ZBTB20: variants seen among roughly 807,000 people sequenced by gnomAD.
ZBTB20 encodes zinc finger and BTB domain containing 20.
ZBTB20 carries 9 observed loss-of-function variants against 56.9 expected under a neutral mutation model. The ratio of observed to expected loss-of-function variants is 0.16; its 90% CI spans 0.10 to 0.28. The LOEUF (loss-of-function observed/expected upper bound fraction) is 0.28. ZBTB20 is among the 10% of genes least tolerant of loss of function. ZBTB20 has a pLI of 1.00. For missense variants in ZBTB20, 655 were observed against 1,003.0 expected, an observed-to-expected ratio of 0.65 and a Z score of 4.69; for synonymous variants, 417 against 420.7, an observed-to-expected ratio of 0.99 and a Z score of 0.11.
chr3:114,879,687 T>G (rs2076324549), intron 4 of ZBTB20, among the ~76,000 whole-genome samples: 1 of 152,188 alleles, frequency 6.6e-6, no homozygotes, highest in Admixed American at 6.5e-5. Context: ...TATACGGATT[T>G]GAGGCAGTAC....
intron 4 of ZBTB20, among the ~76,000 whole-genome samples, chr3:114,821,027 T>C (rs994821799): frequency 5.3e-5 from 8 of 152,058 alleles, no homozygotes; most frequent in Non-Finnish European, 1.2e-4. Context: ...TAGTGAACAG[T>C]GTATTTGCGT....
chr3:114,384,249 A>G (rs888705862), intron 8 of ZBTB20, among the ~76,000 whole-genome samples: 3 of 152,034 alleles, frequency 2.0e-5, no homozygotes, highest in African/African-American at 2.4e-5. Flanking sequence ...GAAAGCTCCA[A>G]TGAAAAAGTT....
intron 4 of ZBTB20, among the ~76,000 whole-genome samples, chr3:114,894,280 C>T (rs1191823352): frequency 6.6e-6 from 1 of 152,064 alleles, no homozygotes; most frequent in Admixed American, 6.6e-5. Context: ...GATCATAAAA[C>T]ATATATGCAT....
chr3:114,484,820 C>CGTGT (rs71297434), intron 7 of ZBTB20, among the ~76,000 whole-genome samples: 1 of 151,120 alleles, frequency 6.6e-6, no homozygotes, highest in African/African-American at 2.4e-5. Flanking sequence ...TGTGTGTGTG[C>CGTGT]GCGTGCATGT....
At chr3:114,666,794 G>C (rs559823962) in intron 6 of ZBTB20, among the ~76,000 whole-genome samples, 2 of 152,072 alleles carry the variant, frequency 1.3e-5, no homozygotes, top group African/African-American at 2.4e-5. Flanking sequence ...CTGTCCATGA[G>C]GTTCCCTTTA....
At position 114,350,768 on chromosome 3, in the gene ZBTB20, T is replaced by A. The variant is rs2080595652; in HGVS notation, c.1310A>T (p.Asn437Ile). Residue 437 changes from asparagine to isoleucine, a missense_variant, in exon 11 of 12, where the codon AAT becomes ATT. By Grantham distance (149) the Asn-to-Ile change is moderately radical. Transcript: ENST00000675478. The stretch of plus-strand genomic sequence containing the variant: ...AACAGTGCTGTCCATCTCCACTTCA[T>A]TGCTTCTCTCCGGAGAGGAAGCACC... ...ETGASSPERS[N>I]EVEMDSTVIT... is the part of the protein sequence containing the mutation. The A allele has an allele frequency of 6.2e-7, 1 of 1,614,112 alleles. No individual in the cohort carries two copies. Among genetic ancestry groups the A allele is most frequent in the African/African-American group, 1.3e-5 (1 of 75,060 alleles).
intron 11 of ZBTB20, among the ~76,000 whole-genome samples, chr3:114,342,554 T>C (rs2079865362): frequency 6.6e-6 from 1 of 152,232 alleles, no homozygotes; most frequent in Non-Finnish European, 1.5e-5. Context: ...CTTGGGCATG[T>C]CATTTAACCT....
intron 1 of ZBTB20, among the ~76,000 whole-genome samples, chr3:115,102,382 T>C (rs574123266): frequency 2.8e-4 from 42 of 152,242 alleles, no homozygotes; most frequent in African/African-American, 1.0e-3. Context: ...TTTTCTACTA[T>C]TGCCCTATTG....
chr3:114,586,377 G>A (rs1266079221), intron 6 of ZBTB20, among the ~76,000 whole-genome samples: 1 of 152,120 alleles, frequency 6.6e-6, no homozygotes, highest in Non-Finnish European at 1.5e-5. Flanking sequence ...GAAATACCTT[G>A]CCCTTTTGCT....
chr3:115,119,651 T>C (rs1380690280), intron 1 of ZBTB20, among the ~76,000 whole-genome samples: 1 of 152,136 alleles, frequency 6.6e-6, no homozygotes, highest in Non-Finnish European at 1.5e-5. Context: ...TAGAAAGCAT[T>C]CAATAAATTT....
At chr3:114,959,974 GCCAAATTCCC>G (rs1463939457) in intron 3 of ZBTB20, among the ~76,000 whole-genome samples, 1 of 152,102 alleles carries the variant, frequency 6.6e-6, no homozygotes. Flanking sequence ...TGGCAATGTG[GCCAAATTCCC>G]CCAAAAAAGG....
At chr3:115,043,436 G>T (rs2081219945) in intron 2 of ZBTB20, among the ~76,000 whole-genome samples, 1 of 151,182 alleles carries the variant, frequency 6.6e-6, no homozygotes, top group African/African-American at 2.4e-5. Context: ...AGGTGTGGTG[G>T]CAGCCGCCTG....
intron 1 of ZBTB20, among the ~76,000 whole-genome samples, chr3:115,128,082 T>A (rs2084384604): frequency 1.3e-5 from 2 of 152,192 alleles, no homozygotes; most frequent in Admixed American, 1.3e-4. Context: ...AAGAGATGAC[T>A]GGCAATGACA....
chr3:114,471,752 A>G (rs1456308106), intron 7 of ZBTB20, among the ~76,000 whole-genome samples: 2 of 152,244 alleles, frequency 1.3e-5, no homozygotes, highest in Non-Finnish European at 2.9e-5. Context: ...TCAAAAAAAC[A>G]TCTCGCTTCA....
intron 6 of ZBTB20, among the ~76,000 whole-genome samples, chr3:114,690,935 T>C (rs1282911813): frequency 6.6e-6 from 1 of 152,142 alleles, no homozygotes; most frequent in South Asian, 2.1e-4. Flanking sequence ...ATTCAACACA[T>C]GCTTAAACCC....
intron 5 of ZBTB20, among the ~76,000 whole-genome samples, chr3:114,790,626 A>G (rs1045807094): frequency 4.0e-5 from 6 of 151,252 alleles, no homozygotes; most frequent in Middle Eastern, 3.2e-3. Context: ...TACTAAAAGT[A>G]TTACTAAATT....
At chr3:115,114,532 A>G (rs2108633361) in intron 1 of ZBTB20, among the ~76,000 whole-genome samples, 1 of 152,294 alleles carries the variant, frequency 6.6e-6, no homozygotes, top group African/African-American at 2.4e-5. Flanking sequence ...ATTTTTTAAC[A>G]AAAGGATTTT....
chr3:114,965,599 C>A (rs559573579), intron 3 of ZBTB20, among the ~76,000 whole-genome samples: 1 of 152,234 alleles, frequency 6.6e-6, no homozygotes, highest in Non-Finnish European at 1.5e-5. Context: ...CATGTTGTCA[C>A]AAATAACAGC....
chr3:114,960,104 G>C (rs1021511437), intron 3 of ZBTB20, among the ~76,000 whole-genome samples: 1 of 152,156 alleles, frequency 6.6e-6, no homozygotes, highest in Admixed American at 6.5e-5. Flanking sequence ...CTCTATCTAG[G>C]CTTCTTGTGG....
Sources: gnomAD v4.1 joint callset for allele counts (sites outside exome capture counted in the v4.1 genomes callset) on GRCh38, gnomAD v4.1.1 for gene constraint, MANE v1.5 for transcripts, NCBI Gene and HGNC (gene_info 2026-07-23, HGNC 2026-07-21) for gene names.